The following ANKZF1 variants were observed in gnomAD, a reference collection of about 807,000 sequenced individuals.
ANKZF1 encodes the protein ankyrin repeat and zinc finger peptidyl tRNA hydrolase 1.
ANKZF1 carries 84 observed loss-of-function variants against 86.0 expected under a neutral mutation model. That is an observed-to-expected ratio of 0.98 (90% confidence interval 0.82 to 1.17). The LOEUF is 1.17. ANKZF1 is among the 50% of genes most tolerant of loss of function. The probability of loss-of-function intolerance (pLI) is 0.00; values close to 1 mark genes in which losing one functional copy is unlikely to be tolerated. For missense variants in ANKZF1, 893 were observed against 918.4 expected (o/e 0.97, Z 0.36); for synonymous variants, 331 against 354.2 (o/e 0.93, Z 0.74).
In ANKZF1 at chr2:219,235,126, G is replaced by A. The variant is rs749697933; in HGVS notation, c.1505G>A (p.Cys502Tyr). ...PELWNALLAA[C>Y]RAGDVGVLKL... ...CTCTGGAATGCACTGCTTGCTGCTTGCCGAGCTGGAGATGTTGGAGTGCTA... is the reference window on the plus strand; with the variant it reads ...CTCTGGAATGCACTGCTTGCTGCTTACCGAGCTGGAGATGTTGGAGTGCTA... Residue 502 changes from cysteine (C) to tyrosine (Y), a missense_variant, in exon 10 of 14, where the codon TGC becomes TAC. Coordinates refer to ENST00000323348, the MANE Select transcript of ANKZF1 (RefSeq NM_018089.3). 1.9e-6 allele frequency: 3 copies of A among 1,614,206 alleles called. No individual in the cohort carries two copies. The highest frequency in any genetic ancestry group is 2.2e-5 in the East Asian group (1 of 44,864).
At chr2:219,231,768 C>G in intron 2 of ANKZF1, 160 bp from the exon 3 acceptor site, 1 of 613,892 alleles carries the variant, frequency 1.6e-6, no homozygotes, top group South Asian at 1.9e-5. Flanking sequence ...GATTGCTGTA[C>G]TGTTTATTTC....
Position 219,234,972 on chromosome 2 carries a change from G to C in ANKZF1, c.1351G>C (p.Glu451Gln). ...TAAGAAGGAGAAAAGCCGAGACCAG[G>C]AGGCTGGGGCACATCGGACTCTTCT... ...RNKKEKSRDQ[E>Q]AGAHRTLLQQ... Residue 451 changes from glutamate (E) to glutamine (Q), a missense_variant, in exon 10 of 14, where the codon GAG (glutamate) becomes CAG (glutamine). Physicochemically the swap from Glu to Gln is conservative, Grantham distance 29. Coordinates refer to ENST00000323348, the MANE Select transcript of ANKZF1 (RefSeq NM_018089.3). The C allele has an allele frequency of 6.2e-7, 1 of 1,614,272 alleles. No homozygotes were observed. Among genetic ancestry groups the C allele is most frequent in the Non-Finnish European group, 8.5e-7 (1 of 1,180,062 alleles).
At chr2:219,230,441 C>T (rs747234226) in intron 2 of ANKZF1, 36 bp downstream of exon 2, 1 of 1,577,228 alleles carries the variant, frequency 6.3e-7, no homozygotes. Context: ...CGTGACAGGG[C>T]TCCTTACAGC....
intron 2 of ANKZF1, 92 bp downstream of exon 2, chr2:219,230,497 TAGG>T: frequency 7.0e-7 from 1 of 1,435,930 alleles, no homozygotes; most frequent in Admixed American, 2.6e-5. Flanking sequence ...TTCCCGAGCT[TAGG>T]AGGCCAATTG....
rs368930399 is a variant in ANKZF1 at position 219,235,122 on chromosome 2, G to T, written c.1501G>T (p.Ala501Ser). 4 of 1,614,076 alleles carry T rather than the reference G, an allele frequency of 2.5e-6. No individual in the cohort carries two copies. The highest frequency in any genetic ancestry group is 3.4e-6 in the Non-Finnish European group (4 of 1,180,046). The change falls in exon 10 of 14, where the codon GCT becomes TCT. Residue 501 changes from alanine to serine, a missense_variant. Physicochemically the swap from Ala to Ser is moderately conservative, Grantham distance 99. Transcript: ENST00000323348. ...QPELWNALLA[A>S]CRAGDVGVLK... Reference sequence around the variant, plus strand: ...AGAGCTCTGGAATGCACTGCTTGCTGCTTGCCGAGCTGGAGATGTTGGAGT... The same window carrying T: ...AGAGCTCTGGAATGCACTGCTTGCTTCTTGCCGAGCTGGAGATGTTGGAGT...
At chr2:219,231,819 C>A (rs969509961) in intron 2 of ANKZF1, 109 bp from the exon 3 acceptor site, 1 of 856,130 alleles carries the variant, frequency 1.2e-6, no homozygotes, top group Non-Finnish European at 1.9e-6. Context: ...CAGTATCATG[C>A]CATCTCTTTT....
Position 219,233,897 on chromosome 2 carries a change from A to G in ANKZF1, c.1002A>G (p.Gln334=), listed in dbSNP as rs777963432. Residue 334 remains glutamine (Q), a synonymous_variant, in exon 8 of 14, where the codon CAA becomes CAG. Transcript: ENST00000323348. The part of the protein sequence containing the change: ...IPLATRRPTF[Q]ELQRVLHKLT... ...TCGCCACCCGCAGACCCACCTTCCA[A>G]GAGCTACAGCGTGTGCTCCATAAGC... The G allele has an allele frequency of 1.9e-6, 3 of 1,607,648 alleles. No individual in the cohort carries two copies. The highest frequency in any genetic ancestry group is 1.3e-5 in the African/African-American group (1 of 74,806).
rs1225937584 is a variant in ANKZF1, at chr2:219,236,444, G to C, written c.2180G>C (p.Ter727SerextTer13). Reference sequence around the variant, plus strand: ...CGTCAGGCAGGGAGGCCCTCTTCCTGATCTCTTACAGCTCTACCTGGGGCC... The same window carrying C: ...CGTCAGGCAGGGAGGCCCTCTTCCTCATCTCTTACAGCTCTACCTGGGGCC... The part of the protein sequence containing the change: ...HRRQAGRPSS[*>S] The change falls in exon 14 of 14, where the codon TGA becomes TCA. Residue 727 changes from the stop codon to serine (S), a stop_lost. Transcript: ENST00000323348. 6.3e-7 allele frequency: 1 copy of C among 1,599,150 alleles called. No individual in the cohort carries two copies. The highest frequency in any genetic ancestry group is 1.7e-4 in the Middle Eastern group (1 of 5,978).
chr2:219,230,599 A>G (rs1239035431), intron 2 of ANKZF1, 194 bp downstream of exon 2: 2 of 618,576 alleles, frequency 3.2e-6, no homozygotes, highest in Admixed American at 3.9e-5. Context: ...TTGCCATTGC[A>G]TGTATCTCCT....
At chr2:219,236,129 G>C in intron 13 of ANKZF1, 34 bp downstream of exon 13, 2 of 1,612,764 alleles carry the variant, frequency 1.2e-6, no homozygotes, top group East Asian at 2.2e-5. Flanking sequence ...TGGGTGGACT[G>C]TAATGTTGCA....
chr2:219,230,505 C>T, intron 2 of ANKZF1, 100 bp downstream of exon 2: 2 of 1,394,426 alleles, frequency 1.4e-6, no homozygotes, highest in Admixed American at 2.8e-5. Flanking sequence ...CTTAGGAGGC[C>T]AATTGATTTA....
In ANKZF1 at chr2:219,232,274, G is replaced by T. The variant is rs1332737935; in HGVS notation, c.276G>T (p.Lys92Asn). 6 of 1,614,056 alleles carry T rather than the reference G, an allele frequency of 3.7e-6. No individual in the cohort carries two copies. The change falls in exon 4 of 14, where the codon AAG becomes AAT. Residue 92 changes from lysine (K) to asparagine (N), a missense_variant. By Grantham distance (94) the Lys-to-Asn change is moderately conservative. Transcript: ENST00000323348. ...CTTTGTACTAGAGGGAACATTATAA[G>T]CTTGACTGGCATCGGTTTAACCTAA... ...QNHQEQREHY[K>N]LDWHRFNLKQ...
intron 1 of ANKZF1, 90 bp from the exon 2 acceptor site, chr2:219,230,138 G>A: frequency 8.8e-7 from 1 of 1,138,496 alleles, no homozygotes. Context: ...AAGTCTTGCG[G>A]TGCAGGAGAA....
In ANKZF1 at chr2:219,233,113, A is replaced by G. The variant is rs1197266514; in HGVS notation, c.593A>G (p.Asn198Ser). The change falls in exon 6 of 14, where the codon AAC becomes AGC. Residue 198 changes from asparagine to serine, a missense_variant. Asn to Ser is a conservative substitution (Grantham distance 46). Coordinates refer to ENST00000323348, the MANE Select transcript of ANKZF1 (RefSeq NM_018089.3). ...PPEEAELLLQ[N>S]LQSRGPRDCV... ...GAAGAGGCAGAACTGCTGCTACAGAACCTGCAAAGTAGAGGTCCCAGAGAC... is the reference window on the plus strand; with the variant it reads ...GAAGAGGCAGAACTGCTGCTACAGAGCCTGCAAAGTAGAGGTCCCAGAGAC... 1 of 1,614,150 alleles carries G rather than the reference A, an allele frequency of 6.2e-7. No individual in the cohort carries two copies. Among genetic ancestry groups the G allele is most frequent in the South Asian group, 1.1e-5 (1 of 91,084 alleles).
Position 219,232,974 on chromosome 2 carries a change from C to T in ANKZF1, c.559-105C>T, listed in dbSNP as rs1045068641. Reference sequence around the variant, plus strand: ...TTGTTTGTCAAATGGAAACAAGCCTCAGGGTGGTAATATTAAATGAGATAA... The same window carrying T: ...TTGTTTGTCAAATGGAAACAAGCCTTAGGGTGGTAATATTAAATGAGATAA... On this transcript the variant is annotated intron_variant, in intron 5 of 13. Coordinates refer to ENST00000323348, the MANE Select transcript of ANKZF1 (RefSeq NM_018089.3). 33 of 1,119,940 alleles carry T rather than the reference C, an allele frequency of 2.9e-5. No individual in the cohort carries two copies. In the East Asian group the frequency reaches 7.8e-4, roughly 27 times the overall value. 69.4% of individuals were successfully genotyped at this position (1,119,940 alleles called of 1,614,324 possible). A position where few individuals can be genotyped will look rare whatever the true frequency, so the allele number is the denominator to read the frequency against.
In ANKZF1 at chr2:219,230,231, C is replaced by A; in HGVS notation, c.-27C>A. 1 of 1,607,082 alleles carries A rather than the reference C, an allele frequency of 6.2e-7. No individual in the cohort carries two copies. The highest frequency in any genetic ancestry group is 8.5e-7 in the Non-Finnish European group (1 of 1,175,098). On this transcript the variant is annotated 5_prime_UTR_variant, in exon 2 of 14. In the 5' UTR this introduces an upstream ATG that the reference lacks. Transcript: ENST00000323348. The stretch of plus-strand genomic sequence containing the variant: ...TCTTACACGCTTTCTACTCCAGGAG[C>A]TGCTGCTAAATAATTTCTGCTCAGC...
chr2:219,231,859 C>A lies in ANKZF1; in HGVS notation c.149-69C>A, dbSNP rs756178247. ...CCTCCTCTGCTTTGTATATCACACT[C>A]TGAATATAATTCTTGTCACTGTGGA... On this transcript the variant is annotated intron_variant, in intron 2 of 13. Transcript: ENST00000323348. 6 of 1,295,408 alleles carry A rather than the reference C, an allele frequency of 4.6e-6. No homozygotes were observed. In the South Asian group the frequency reaches 7.1e-5, roughly 15 times the overall value. 80.2% of individuals were successfully genotyped at this position (1,295,408 alleles called of 1,614,324 possible).
chr2:219,235,338 C>A, intron 10 of ANKZF1, 26 bp downstream of exon 10: 2 of 1,600,612 alleles, frequency 1.2e-6, no homozygotes, highest in South Asian at 2.2e-5. Context: ...CATCCTGAGT[C>A]ATTTTGGGTA....
intron 7 of ANKZF1, 66 bp downstream of exon 7, chr2:219,233,499 C>G: frequency 4.0e-6 from 6 of 1,500,540 alleles, no homozygotes; most frequent in Non-Finnish European, 5.3e-6. Flanking sequence ...GTTCAACTCA[C>G]TGTTAAGTAG....
Sources: allele counts gnomAD v4.1 joint callset, GRCh38; gene constraint gnomAD v4.1.1; transcripts MANE v1.5; gene names NCBI Gene and HGNC (gene_info 2026-07-23, HGNC 2026-07-21).